Variants in TMEM232 observed in about 807,000 individuals in gnomAD.
TMEM232 encodes the protein transmembrane protein 232.
A neutral mutation model predicts 78.8 loss-of-function variants in TMEM232; 80 were observed. The ratio of observed to expected loss-of-function variants is 1.01; its 90% confidence interval spans 0.85 to 1.22. TMEM232 has a LOEUF of 1.22. TMEM232 is among the 50% of genes most tolerant of loss of function. The probability of loss-of-function intolerance (pLI) is 0.00; values close to 1 mark genes in which losing one functional copy is unlikely to be tolerated. For synonymous variants in TMEM232, 297 were observed against 254.3 expected (o/e 1.17, Z -1.60); for missense variants, 881 against 742.2 (o/e 1.19, Z -2.17).
At chr5:110,397,796 T>A (rs1755448178) in exon 3 of TMEM232, 1 of 152,610 alleles carries the variant, frequency 6.6e-6, no homozygotes, top group Non-Finnish European at 1.5e-5. Flanking sequence ...ATGTGATATA[T>A]GTTGTCTTCT....
At chr5:110,506,104 G>C (rs1766863084) in intron 12 of TMEM232, among the ~76,000 whole-genome samples, 1 of 152,156 alleles carries the variant, frequency 6.6e-6, no homozygotes, top group African/African-American at 2.4e-5. Flanking sequence ...TTCCAAGACT[G>C]TGATAACCAC....
At chr5:110,436,622 T>C (rs940604921) in intron 12 of TMEM232, among the ~76,000 whole-genome samples, 1 of 152,110 alleles carries the variant, frequency 6.6e-6, no homozygotes, top group Admixed American at 6.6e-5. Context: ...CCATTTTGAT[T>C]TGATTTTTGC....
At chr5:110,441,079 C>T (rs1758986044) in intron 12 of TMEM232, among the ~76,000 whole-genome samples, 1 of 152,102 alleles carries the variant, frequency 6.6e-6, no homozygotes, top group Non-Finnish European at 1.5e-5. Context: ...AGGTATGTCA[C>T]TTCTGTTCAT....
chr5:110,647,488 T>C (rs1442291407), intron 2 of TMEM232, among the ~76,000 whole-genome samples: 1 of 152,032 alleles, frequency 6.6e-6, no homozygotes, highest in African/African-American at 2.4e-5. Context: ...ACGTATGTTA[T>C]TATTGCTTAT....
intron 12 of TMEM232, among the ~76,000 whole-genome samples, chr5:110,452,578 A>G (rs932406977): frequency 2.0e-5 from 3 of 152,186 alleles, no homozygotes; most frequent in African/African-American, 7.2e-5. Context: ...CCAAAAATAG[A>G]TTTCATCAAA....
intron 1 of TMEM232, among the ~76,000 whole-genome samples, chr5:110,703,555 T>C (rs72773165): frequency 4.6e-5 from 7 of 152,200 alleles, no homozygotes; most frequent in Non-Finnish European, 1.0e-4. Context: ...ATGGATTTTA[T>C]CCAATTACCT....
At chr5:110,524,311 AGAAGGAAG>A (rs201999237) in intron 12 of TMEM232, among the ~76,000 whole-genome samples, 6 of 145,910 alleles carry the variant, frequency 4.1e-5, no homozygotes, top group East Asian at 1.9e-4. Context: ...ATAAAAAGAA[AGAAGGAAG>A]GAAGGAAGGG....
intron 12 of TMEM232, among the ~76,000 whole-genome samples, chr5:110,515,648 C>G (rs192224969): frequency 1.3e-5 from 2 of 152,196 alleles, no homozygotes; most frequent in African/African-American, 4.8e-5. Context: ...TAACGGTTGA[C>G]TTCTAAGCCT....
At chr5:110,644,111 T>C (rs1211980254) in intron 2 of TMEM232, among the ~76,000 whole-genome samples, 1 of 151,954 alleles carries the variant, frequency 6.6e-6, no homozygotes, top group Non-Finnish European at 1.5e-5. Context: ...TGTTACAACA[T>C]ACAAAGTCTG....
chr5:110,532,135 C>G lies in TMEM232; in HGVS notation c.1456-3300G>C, dbSNP rs1281947645. On this transcript the variant is annotated intron_variant, in intron 11 of 13. Transcript: ENST00000455884. ...CTACAAGTGCCAAAAATCTGGCCAC[C>G]AAGCCAAAGAATAGCCGCAGCCCAG... Among the ~76,000 whole-genome samples the G allele has an allele frequency of 3.9e-5, 6 of 152,076 alleles. No homozygotes were observed. The East Asian group carries it at 1.2e-3, about 29-fold the overall frequency.
At position 110,699,222 on chromosome 5, in the gene TMEM232, T is replaced by C. The variant is rs75756988; in HGVS notation, c.-13+27405A>G. On this transcript the variant is annotated intron_variant, in intron 1 of 13. Transcript: ENST00000455884. The stretch of plus-strand genomic sequence containing the variant: ...CTTGAGACACATGAGGGTAACCTAC[T>C]TGGGGTTGAGAGCCTGAGGAGTGTA... Among the ~76,000 whole-genome samples, 1,419 of 152,130 alleles carry C rather than the reference T, an allele frequency of 9.3e-3. 23 individuals carry two copies. The highest frequency in any genetic ancestry group is 0.033 in the African/African-American group (1,361 of 41,544).
chr5:110,639,071 AAAG>A (rs1054805041), intron 4 of TMEM232, among the ~76,000 whole-genome samples: 5 of 152,280 alleles, frequency 3.3e-5, no homozygotes, highest in Non-Finnish European at 4.4e-5. Context: ...GGACTTGAGG[AAAG>A]AAGAACCCTG....
At chr5:110,441,533 T>C (rs1006100868) in intron 12 of TMEM232, among the ~76,000 whole-genome samples, 3 of 152,174 alleles carry the variant, frequency 2.0e-5, no homozygotes, top group Middle Eastern at 3.2e-3. Flanking sequence ...GTAAGTCCTT[T>C]TCCCTGAGTA....
At chr5:110,565,990 TTTATAATCATTTTCCAATTACTTTC>T (rs1276949912) in intron 11 of TMEM232, among the ~76,000 whole-genome samples, 1 of 151,904 alleles carries the variant, frequency 6.6e-6, no homozygotes, top group African/African-American at 2.4e-5. Flanking sequence ...AATTGATCCT[TTTATAATCATTTTCCAATTACTTTC>T]TTATAATCAC....
At chr5:110,471,573 T>G (rs1266540528) in intron 12 of TMEM232, among the ~76,000 whole-genome samples, 3 of 151,058 alleles carry the variant, frequency 2.0e-5, no homozygotes, top group Non-Finnish European at 4.4e-5. Context: ...GCAGACACTG[T>G]GTAGTCCAGG....
rs192333308 is a variant in TMEM232, at chr5:110,602,055, C to A, written c.1276+3054G>T. 3.4e-3 allele frequency among the ~76,000 whole-genome samples: 517 copies of A among 152,260 alleles called. 4 individuals carry two copies. The highest frequency in any genetic ancestry group is 0.012 in the African/African-American group (494 of 41,566). ...AAACAAGCAATGGGGAAAGGATTTC[C>A]TATTTAATAAATGGTGCTGGGAAAA... On this transcript the variant is annotated intron_variant, in intron 10 of 13. Coordinates refer to ENST00000455884, the MANE Select transcript of TMEM232 (RefSeq NM_001039763.4).
At chr5:110,488,326 T>A (rs750979172) in intron 12 of TMEM232, among the ~76,000 whole-genome samples, 140 of 152,044 alleles carry the variant, frequency 9.2e-4, no homozygotes, top group Non-Finnish European at 2.2e-4. Context: ...ATAAACCATA[T>A]GGCAGGCAAC....
chr5:110,550,344 C>T (rs1774295338), intron 11 of TMEM232, among the ~76,000 whole-genome samples: 1 of 152,110 alleles, frequency 6.6e-6, no homozygotes, highest in Non-Finnish European at 1.5e-5. Context: ...ATGTTGAAAG[C>T]TGTCCCTTAT....
intron 4 of TMEM232, among the ~76,000 whole-genome samples, chr5:110,388,887 A>AGGC (rs958445169): frequency 2.6e-5 from 4 of 152,212 alleles, no homozygotes; most frequent in Admixed American, 6.5e-5. Flanking sequence ...ACAGTCATTT[A>AGGC]GGCTGGGTAC....
Sources: allele counts gnomAD v4.1 joint callset (sites outside exome capture counted in the v4.1 genomes callset), GRCh38; gene constraint gnomAD v4.1.1; transcripts MANE v1.5; gene names NCBI Gene and HGNC (gene_info 2026-07-23, HGNC 2026-07-21).